FARSB: variants seen among roughly 807,000 people sequenced by gnomAD.
The protein encoded by FARSB is phenylalanyl-tRNA synthetase subunit beta.
Under a neutral mutation model 69.6 loss-of-function variants are expected in FARSB, and 40 were observed. The ratio of observed to expected loss-of-function variants is 0.57; its 90% confidence interval spans 0.45 to 0.75. FARSB has a LOEUF of 0.75. Among genes scored for constraint, FARSB ranks in the 30% least tolerant of loss-of-function variants. The probability of loss-of-function intolerance (pLI) is 0.00; values close to 1 mark genes in which losing one functional copy is unlikely to be tolerated. For missense variants in FARSB, 632 were observed against 722.9 expected, an observed-to-expected ratio of 0.87 and a Z score of 1.44; for synonymous variants, 235 against 247.2, an observed-to-expected ratio of 0.95 and a Z score of 0.46.
intron 15 of FARSB, among the ~76,000 whole-genome samples, chr2:222,609,464 T>C (rs763065744): frequency 2.6e-5 from 4 of 152,220 alleles, no homozygotes; most frequent in Non-Finnish European, 5.9e-5. Flanking sequence ...TGTTATCAAC[T>C]GAAAAATTTA....
chr2:222,613,738 G>T, intron 15 of FARSB, 73 bp downstream of exon 15: 1 of 950,348 alleles, frequency 1.1e-6, no homozygotes, highest in Admixed American at 1.8e-5. Context: ...CTGCTTTTAT[G>T]TATAGTTAAG....
chr2:222,599,874 T>C, intron 16 of FARSB, 54 bp downstream of exon 16: 1 of 1,399,432 alleles, frequency 7.1e-7, no homozygotes, highest in Non-Finnish European at 9.5e-7. Context: ...AAAAACAAGG[T>C]GTAGCCTCTT....
At chr2:222,611,823 C>A (rs894342567) in intron 15 of FARSB, among the ~76,000 whole-genome samples, 1 of 152,188 alleles carries the variant, frequency 6.6e-6, no homozygotes, top group African/African-American at 2.4e-5. Context: ...CCCATCCCTA[C>A]AACAGCCCCA....
intron 16 of FARSB, among the ~76,000 whole-genome samples, chr2:222,592,619 T>C (rs942106928): frequency 1.3e-5 from 2 of 151,040 alleles, no homozygotes; most frequent in Non-Finnish European, 2.9e-5. Flanking sequence ...ACTTCTTTTA[T>C]AATTCTTTGT....
intron 16 of FARSB, among the ~76,000 whole-genome samples, chr2:222,587,218 C>A (rs1690138921): frequency 6.6e-6 from 1 of 152,190 alleles, no homozygotes; most frequent in Non-Finnish European, 1.5e-5. Context: ...CAAAACCACA[C>A]AACTACATGG....
intron 5 of FARSB, 140 bp from the exon 6 acceptor site, chr2:222,634,681 C>T (rs1177328864): frequency 1.8e-6 from 1 of 566,158 alleles, no homozygotes; most frequent in Non-Finnish European, 2.9e-6. Flanking sequence ...TCAGATACTT[C>T]CCTGAAACAG....
chr2:222,656,049 C>G lies in FARSB; in HGVS notation c.25G>C (p.Asp9His), dbSNP rs770849989. MPTVSVKR[D>H]LLFQALGRTY... ...CGGCCCAGGGCTTGGAAGAGCAGAT[C>G]ACGCTTCACGCTGACAGTCGGCATG... is the stretch of plus-strand genomic sequence containing the variant. The change falls in exon 1 of 17, where the codon GAT becomes CAT. Residue 9 changes from aspartate (D) to histidine (H), a missense_variant. Physicochemically the swap from Asp to His is moderately conservative, Grantham distance 81. Coordinates refer to ENST00000281828, the MANE Select transcript of FARSB (RefSeq NM_005687.5). The G allele has an allele frequency of 2.5e-6, 4 of 1,596,286 alleles. No homozygotes were observed. Among genetic ancestry groups the G allele is most frequent in the Non-Finnish European group, 3.4e-6 (4 of 1,172,810 alleles).
At chr2:222,653,936 A>G (rs970158259) in intron 1 of FARSB, among the ~76,000 whole-genome samples, 1 of 152,208 alleles carries the variant, frequency 6.6e-6, no homozygotes, top group Non-Finnish European at 1.5e-5. Context: ...AAGATTCAGT[A>G]GCTAACAAAC....
intron 16 of FARSB, among the ~76,000 whole-genome samples, chr2:222,578,943 C>T (rs1368404125): frequency 1.3e-5 from 2 of 152,100 alleles, no homozygotes; most frequent in Non-Finnish European, 2.9e-5. Flanking sequence ...GATCTCACCA[C>T]TGCACTCCAG....
chr2:222,649,352 C>T (rs756741190), intron 1 of FARSB, among the ~76,000 whole-genome samples: 55 of 151,788 alleles, frequency 3.6e-4, no homozygotes, highest in Admixed American at 2.4e-3. Flanking sequence ...AGGTTACCTG[C>T]ACTGGGAAGT....
In FARSB at chr2:222,612,459, G is replaced by T. The variant is rs143646553; in HGVS notation, c.1462+1352C>A. Among the ~76,000 whole-genome samples, 11 of 152,250 alleles carry T rather than the reference G, an allele frequency of 7.2e-5. No homozygotes were observed. In the East Asian group the frequency reaches 2.1e-3, roughly 29 times the overall value. On this transcript the variant is annotated intron_variant, in intron 15 of 16. Transcript: ENST00000281828. ...GTTTGCCATGGACAGTAGTAGCTCT[G>T]GTCATACCTCTATAATTCCTAAGAT...
rs562997169 is a variant in FARSB at position 222,646,306 on chromosome 2, C to A, written c.114+2434G>T. On this transcript the variant is annotated intron_variant, in intron 2 of 16. Transcript: ENST00000281828. ...TGCCACAATTTTATCCCTTAGAACC[C>A]AGAACAGCTGGGAGCAGATAAAATC... is the stretch of plus-strand genomic sequence containing the variant. Among the ~76,000 whole-genome samples, 14 of 151,400 alleles carry A rather than the reference C, an allele frequency of 9.2e-5. No homozygotes were observed. In the East Asian group the frequency reaches 2.7e-3, roughly 29 times the overall value.
At chr2:222,591,248 A>G (rs1402151530) in intron 16 of FARSB, among the ~76,000 whole-genome samples, 2 of 151,970 alleles carry the variant, frequency 1.3e-5, no homozygotes, top group Non-Finnish European at 2.9e-5. Context: ...AAAGAAAGAA[A>G]TACGAGCTGA....
chr2:222,581,288 G>C (rs1369495774), intron 16 of FARSB, among the ~76,000 whole-genome samples: 1 of 152,136 alleles, frequency 6.6e-6, no homozygotes, highest in Non-Finnish European at 1.5e-5. Context: ...TATATATATA[G>C]AAGAGTAATT....
Position 222,567,002 on chromosome 2 carries a change from C to G in FARSB, c.*4869G>C, listed in dbSNP as rs1316261095. 6.6e-6 allele frequency: 1 copy of G among 152,210 alleles called. No homozygotes were observed. The highest frequency in any genetic ancestry group is 1.5e-5 in the Non-Finnish European group (1 of 68,046). The allele number at this position is 152,210 out of a possible 1,614,324, so 9.4% of individuals were successfully genotyped here. On this transcript the variant is annotated 3_prime_UTR_variant, in exon 17 of 17. Coordinates refer to ENST00000281828, the MANE Select transcript of FARSB (RefSeq NM_005687.5). ...TCATTCTGATCCCTCTCCTAGCTTG[C>G]TGGTGGCCACCATGTTGCTGTGTGG...
chr2:222,615,860 G>T (rs1272032917), intron 14 of FARSB, among the ~76,000 whole-genome samples: 1 of 152,016 alleles, frequency 6.6e-6, no homozygotes, highest in Non-Finnish European at 1.5e-5. Flanking sequence ...CCCATTGGAG[G>T]GCAAGTGCCC....
chr2:222,574,062 T>G (rs1185396211), intron 16 of FARSB, among the ~76,000 whole-genome samples: 1 of 152,234 alleles, frequency 6.6e-6, no homozygotes, highest in East Asian at 1.9e-4. Flanking sequence ...TTTTGGAATC[T>G]AAGCCAGATG....
chr2:222,572,610 T>C (rs984201417), intron 16 of FARSB, among the ~76,000 whole-genome samples: 1 of 152,140 alleles, frequency 6.6e-6, no homozygotes, highest in African/African-American at 2.4e-5. Flanking sequence ...GCAACCCACA[T>C]TCCCATCTGA....
chr2:222,630,300 GA>G, intron 8 of FARSB, 126 bp from the exon 9 acceptor site: 1 of 534,762 alleles, frequency 1.9e-6, no homozygotes, highest in East Asian at 3.6e-5. Context: ...TACATTTTAA[GA>G]AAGGAAGTGG....
Sources: allele counts gnomAD v4.1 joint callset (sites outside exome capture counted in the v4.1 genomes callset), GRCh38; gene constraint gnomAD v4.1.1; transcripts MANE v1.5; gene names NCBI Gene and HGNC (gene_info 2026-07-23, HGNC 2026-07-21).